Variants in ZNF639 observed in about 807,000 individuals in gnomAD.
ZNF639 encodes the protein zinc finger amplified in esophageal squamous cell carcinomas 1.
Under a neutral mutation model 39.8 loss-of-function variants are expected in ZNF639, and 20 were observed. The observed-to-expected ratio is 0.50, with a 90% CI of 0.35 to 0.73. ZNF639 has a LOEUF of 0.73. Ranked by LOEUF, ZNF639 falls within the 30% of genes least tolerant of loss-of-function variation. The pLI, the probability that ZNF639 is intolerant of heterozygous loss-of-function variation, is 0.00. For missense variants in ZNF639, 477 were observed against 566.2 expected (o/e 0.84, Z 1.60); for synonymous variants, 176 against 189.8 (o/e 0.93, Z 0.60).
At chr3:179,330,760 A>G (rs927328962) in intron 4 of ZNF639, among the ~76,000 whole-genome samples, 8 of 152,228 alleles carry the variant, frequency 5.3e-5, no homozygotes, top group Admixed American at 2.6e-4. Context: ...TGGATCTTCT[A>G]TTGGTTCCTC....
chr3:179,329,814 A>C, intron 4 of ZNF639, 86 bp downstream of exon 4: 1 of 619,508 alleles, frequency 1.6e-6, no homozygotes, highest in Non-Finnish European at 2.8e-6. Context: ...TAAAATGTGG[A>C]TTGATGATTT....
At chr3:179,323,921 C>T (rs1576984905) in intron 1 of ZNF639, 1 of 152,276 alleles carries the variant, frequency 6.6e-6, no homozygotes, top group South Asian at 2.1e-4. Flanking sequence ...CAGTTTATGC[C>T]TTTTTTGTTT....
chr3:179,322,940 C>T, upstream of ZNF639: 3 of 985,004 alleles, frequency 3.0e-6, no homozygotes, highest in Non-Finnish European at 3.6e-6. Context: ...GGCCGGTGGT[C>T]CCTCCCAGGC....
In ZNF639 at chr3:179,333,121, C is replaced by T. The variant is rs772030950; in HGVS notation, c.302C>T (p.Thr101Ile). Residue 101 changes from threonine to isoleucine, a missense_variant and splice_region_variant, in exon 5 of 6, where the codon ACA becomes ATA. Transcript: ENST00000496856. ...ATTCTAGACCACACTGCCTTTTCTA[C>T]AGGTTGGGGGAACTAATTTATAGCA... ...LRILDHTAFS[T>I]EKSADIVICD... 6.3e-7 allele frequency: 1 copy of T among 1,599,230 alleles called. No homozygotes were observed. Among genetic ancestry groups the T allele is most frequent in the Non-Finnish European group, 8.5e-7 (1 of 1,174,486 alleles).
At chr3:179,330,285 G>C (rs6765361) in intron 4 of ZNF639, among the ~76,000 whole-genome samples, 26,917 of 151,680 alleles carry the variant, frequency 0.18, 2,473 homozygotes, top group Admixed American at 0.24. Context: ...TTTTTGAAGG[G>C]GGTGGGGTTA....
At chr3:179,328,910 G>A (rs1727749064) in intron 3 of ZNF639, among the ~76,000 whole-genome samples, 1 of 151,788 alleles carries the variant, frequency 6.6e-6, no homozygotes, top group Admixed American at 6.6e-5. Flanking sequence ...CAAGTAGCTG[G>A]GATTACAGGC....
intron 4 of ZNF639, among the ~76,000 whole-genome samples, chr3:179,330,776 T>A (rs1727862161): frequency 6.6e-6 from 1 of 152,260 alleles, no homozygotes; most frequent in Non-Finnish European, 1.5e-5. Context: ...TCCTCTGTTC[T>A]ACAGCATTGG....
rs1711620480 is a variant in ZNF639, at chr3:179,338,127, C to T, written c.*3705C>T. ...AACCTACCTAAAAAAATTAACACTC[C>T]TGGTTTTGTTTTGTTTTTTGTTTTG... On this transcript the variant is annotated 3_prime_UTR_variant, in exon 6 of 6. Coordinates refer to ENST00000496856, the MANE Select transcript of ZNF639 (RefSeq NM_001303426.2). 6.6e-6 allele frequency: 1 copy of T among 151,958 alleles called. No homozygotes were observed. Among genetic ancestry groups the T allele is most frequent in the African/African-American group, 2.4e-5 (1 of 41,398 alleles). 9.4% of individuals were successfully genotyped at this position (151,958 alleles called of 1,614,324 possible). A position where few individuals can be genotyped will look rare whatever the true frequency, so the allele number is the denominator to read the frequency against.
At position 179,335,481 on chromosome 3, in the gene ZNF639, T is replaced by A. The variant is rs1711503693; in HGVS notation, c.*1059T>A. 1 of 152,240 alleles carries A rather than the reference T, an allele frequency of 6.6e-6. No individual in the cohort carries two copies. Among genetic ancestry groups the A allele is most frequent in the South Asian group, 2.1e-4 (1 of 4,830 alleles). The allele number at this position is 152,240 out of a possible 1,614,324, so 9.4% of individuals were successfully genotyped here. On this transcript the variant is annotated 3_prime_UTR_variant, in exon 6 of 6. Transcript: ENST00000496856. Reference sequence around the variant, plus strand: ...GGAAGATCTGGGAGATAGGGGTTGCTGGCATGAAAATGTATAACTTACAAC... The same window carrying A: ...GGAAGATCTGGGAGATAGGGGTTGCAGGCATGAAAATGTATAACTTACAAC...
rs1711639175 is a variant in ZNF639, at chr3:179,338,397, C to T, written c.*3975C>T. 6.6e-6 allele frequency: 1 copy of T among 152,106 alleles called. No individual in the cohort carries two copies. Among genetic ancestry groups the T allele is most frequent in the African/African-American group, 2.4e-5 (1 of 41,428 alleles). 9.4% of individuals were successfully genotyped at this position (152,106 alleles called of 1,614,324 possible). A position where few individuals can be genotyped will look rare whatever the true frequency, so the allele number is the denominator to read the frequency against. On this transcript the variant is annotated 3_prime_UTR_variant, in exon 6 of 6. Transcript: ENST00000496856. The stretch of plus-strand genomic sequence containing the variant: ...TGAAAATGGTTGTTCACTAAAAAGC[C>T]TCTTCTTTTCCTGCTTATAAATTTG...
intron 5 of ZNF639, 23 bp downstream of exon 5, chr3:179,333,146 A>G (rs1728010628): frequency 6.3e-7 from 1 of 1,579,048 alleles, no homozygotes; most frequent in Non-Finnish European, 8.6e-7. Flanking sequence ...AATTTATAGC[A>G]TTGATATATT....
chr3:179,328,228 C>T (rs749695074), intron 2 of ZNF639, 55 bp from the exon 3 acceptor site: 90 of 996,000 alleles, frequency 9.0e-5, no homozygotes, highest in Non-Finnish European at 1.2e-4. Context: ...ATTTTTATAA[C>T]GTCATTAACA....
intron 1 of ZNF639, 126 bp downstream of exon 1, chr3:179,323,417 C>T (rs1406822583): frequency 3.1e-6 from 3 of 980,394 alleles, no homozygotes; most frequent in Non-Finnish European, 3.6e-6. Flanking sequence ...GAAACTCTGC[C>T]TTCGTTATAT....
intron 4 of ZNF639, among the ~76,000 whole-genome samples, chr3:179,331,914 A>G (rs371248887): frequency 5.3e-5 from 8 of 152,246 alleles, no homozygotes; most frequent in African/African-American, 1.2e-4. Context: ...GAAAATGGCA[A>G]TTTACCTCTG....
chr3:179,331,853 A>T (rs966307765), intron 4 of ZNF639, among the ~76,000 whole-genome samples: 25 of 152,088 alleles, frequency 1.6e-4, no homozygotes, highest in Admixed American at 1.4e-3. Flanking sequence ...CAAGATCAAC[A>T]TCAACAACCA....
chr3:179,323,124 G>T lies in ZNF639; in HGVS notation c.-250G>T. 1.0e-6 allele frequency: 1 copy of T among 984,704 alleles called. No individual in the cohort carries two copies. Among genetic ancestry groups the T allele is most frequent in the Non-Finnish European group, 1.2e-6 (1 of 829,834 alleles). 61.0% of individuals were successfully genotyped at this position (984,704 alleles called of 1,614,324 possible). ...CTGGCGCTCAGGGCGTGGGGCGCGC[G>T]GGGAGGGAGAGGGGTCGGCCCAGCA... On this transcript the variant is annotated 5_prime_UTR_variant, in exon 1 of 6. Transcript: ENST00000496856.
rs1264022306 is a variant in ZNF639, at chr3:179,334,350, T to C, written c.1386T>C (p.Cys462=). The C allele has an allele frequency of 1.9e-6, 3 of 1,607,900 alleles. No homozygotes were observed. Among genetic ancestry groups the C allele is most frequent in the Non-Finnish European group, 2.5e-6 (3 of 1,177,722 alleles). The change falls in exon 6 of 6, where the codon TGT becomes TGC. Residue 462 remains cysteine (C), a synonymous_variant. Coordinates refer to ENST00000496856, the MANE Select transcript of ZNF639 (RefSeq NM_001303426.2). ...FKHSADLPHK[C]SDCLMRFGNE... is the part of the protein sequence containing the mutation. ...ATTCAGCTGACTTGCCTCATAAATG[T>C]AGTGACTGCTTGATGAGGTTTGGAA...
In ZNF639 at chr3:179,334,571, T is replaced by C; in HGVS notation, c.*149T>C. The C allele has an allele frequency of 2.0e-6, 1 of 507,408 alleles. No individual in the cohort carries two copies. The highest frequency in any genetic ancestry group is 3.3e-6 in the Non-Finnish European group (1 of 306,618). 31.4% of individuals were successfully genotyped at this position (507,408 alleles called of 1,614,324 possible). A position where few individuals can be genotyped will look rare whatever the true frequency, so the allele number is the denominator to read the frequency against. ...AATTATAAAATTTTATTGGCATTGC[T>C]CCATTTTCTGTATATAAATATATCT... On this transcript the variant is annotated 3_prime_UTR_variant, in exon 6 of 6. Coordinates refer to ENST00000496856, the MANE Select transcript of ZNF639 (RefSeq NM_001303426.2).
At chr3:179,327,418 TAG>T (rs1727659075) in intron 1 of ZNF639, 141 bp from the exon 2 acceptor site, 1 of 152,218 alleles carries the variant, frequency 6.6e-6, no homozygotes, top group Non-Finnish European at 1.5e-5. Context: ...TTTTAGTATG[TAG>T]TACATTGTTT....
Sources: gnomAD v4.1 joint callset for allele counts (sites outside exome capture counted in the v4.1 genomes callset) on GRCh38, gnomAD v4.1.1 for gene constraint, MANE v1.5 for transcripts, NCBI Gene and HGNC (gene_info 2026-07-23, HGNC 2026-07-21) for gene names.